Variants in AGBL4 observed in about 807,000 individuals in gnomAD.
The protein encoded by AGBL4 is cytosolic carboxypeptidase 6.
A neutral mutation model predicts 66.4 loss-of-function variants in AGBL4; 58 were observed. That is an observed-to-expected ratio of 0.87 (90% CI 0.71 to 1.09). AGBL4 has a LOEUF of 1.09. AGBL4 is among the 50% of genes least tolerant of loss of function. The pLI is 0.00. For synonymous variants in AGBL4, 234 were observed against 222.9 expected, an observed-to-expected ratio of 1.05 and a Z score of -0.44; for missense variants, 579 against 631.0, an observed-to-expected ratio of 0.92 and a Z score of 0.88.
chr1:49,678,000 G>A (rs1022604300), intron 3 of AGBL4, among the ~76,000 whole-genome samples: 1 of 152,146 alleles, frequency 6.6e-6, no homozygotes, highest in Non-Finnish European at 1.5e-5. Flanking sequence ...ACCTAAAGCT[G>A]ACTTGGATAA....
At chr1:48,928,484 G>A (rs528360721) in intron 5 of AGBL4, among the ~76,000 whole-genome samples, 11 of 152,220 alleles carry the variant, frequency 7.2e-5, no homozygotes, top group Admixed American at 1.3e-4. Flanking sequence ...ATTTCATAAC[G>A]ATTTAGTTAA....
intron 3 of AGBL4, among the ~76,000 whole-genome samples, chr1:49,418,541 A>G (rs1292342026): frequency 6.6e-6 from 1 of 152,240 alleles, no homozygotes; most frequent in Admixed American, 6.5e-5. Flanking sequence ...AACAACAACA[A>G]CAAAAAACCA....
intron 1 of AGBL4, among the ~76,000 whole-genome samples, chr1:49,950,047 T>C (rs1453291540): frequency 7.0e-6 from 1 of 142,944 alleles, no homozygotes; most frequent in African/African-American, 2.5e-5. Flanking sequence ...TATATACACA[T>C]ATGTGTATAT....
chr1:48,629,222 T>G (rs1645554509), intron 9 of AGBL4, among the ~76,000 whole-genome samples: 1 of 152,156 alleles, frequency 6.6e-6, no homozygotes, highest in African/African-American at 2.4e-5. Flanking sequence ...TAACTGGATA[T>G]AGCTGTGAGA....
intron 6 of AGBL4, among the ~76,000 whole-genome samples, chr1:48,752,361 TG>T (rs1282627314): frequency 1.3e-5 from 2 of 152,042 alleles, no homozygotes; most frequent in African/African-American, 2.4e-5. Flanking sequence ...GGAGGTCAAA[TG>T]GGGTGGTTGA....
At chr1:48,826,811 A>T (rs1646435951) in intron 6 of AGBL4, among the ~76,000 whole-genome samples, 1 of 152,206 alleles carries the variant, frequency 6.6e-6, no homozygotes, top group African/African-American at 2.4e-5. Context: ...TTTCTGGTTA[A>T]CAGGAAACCT....
intron 2 of AGBL4, among the ~76,000 whole-genome samples, chr1:49,736,111 A>T (rs1649871772): frequency 6.6e-6 from 1 of 152,298 alleles, no homozygotes; most frequent in Middle Eastern, 3.4e-3. Context: ...GAAAAAAGGG[A>T]AAAGAATATT....
intron 2 of AGBL4, among the ~76,000 whole-genome samples, chr1:49,732,412 A>G (rs1029293527): frequency 6.6e-6 from 1 of 152,248 alleles, no homozygotes; most frequent in Non-Finnish European, 1.5e-5. Flanking sequence ...AAGCAAAGAA[A>G]CAAAAATGTA....
chr1:49,593,085 T>C (rs184667669), intron 3 of AGBL4, among the ~76,000 whole-genome samples: 6 of 152,254 alleles, frequency 3.9e-5, no homozygotes, highest in Admixed American at 2.6e-4. Flanking sequence ...TGTACAAGAA[T>C]ATTCATCATC....
At chr1:49,470,251 T>C (rs1336863511) in intron 3 of AGBL4, among the ~76,000 whole-genome samples, 1 of 151,992 alleles carries the variant, frequency 6.6e-6, no homozygotes, top group Non-Finnish European at 1.5e-5. Flanking sequence ...ATCAAATGTA[T>C]ACTATAGATT....
chr1:48,608,238 G>T (rs1308206132), intron 9 of AGBL4, among the ~76,000 whole-genome samples: 2 of 152,158 alleles, frequency 1.3e-5, no homozygotes, highest in African/African-American at 4.8e-5. Flanking sequence ...TTGGCTTATG[G>T]AGTGTGGCAG....
chr1:49,937,992 A>G (rs141608435), intron 1 of AGBL4, among the ~76,000 whole-genome samples: 13,344 of 150,538 alleles, frequency 0.089, 804 homozygotes, highest in African/African-American at 0.16. Flanking sequence ...AAATAACTAA[A>G]ATCAGAGCAG....
chr1:48,738,654 G>A (rs1649441652), intron 6 of AGBL4, among the ~76,000 whole-genome samples: 1 of 152,208 alleles, frequency 6.6e-6, no homozygotes. Flanking sequence ...AAATCATAGA[G>A]ATGGATGCCA....
chr1:49,922,966 T>G (rs1430568918), intron 1 of AGBL4, among the ~76,000 whole-genome samples: 1 of 152,064 alleles, frequency 6.6e-6, no homozygotes, highest in Non-Finnish European at 1.5e-5. Context: ...GAAAAAAAAC[T>G]TTTTAAAATT....
chr1:49,391,623 G>A (rs1357457081), intron 3 of AGBL4, among the ~76,000 whole-genome samples: 1 of 149,286 alleles, frequency 6.7e-6, no homozygotes, highest in Non-Finnish European at 1.5e-5. Flanking sequence ...GTACAGTGGC[G>A]CGATCTCTGC....
intron 3 of AGBL4, among the ~76,000 whole-genome samples, chr1:49,656,401 A>C (rs1160045834): frequency 1.3e-5 from 2 of 152,184 alleles, no homozygotes; most frequent in Admixed American, 1.3e-4. Context: ...GACCAGACAG[A>C]TTCACAGCCG....
rs556913797 is a variant in AGBL4, at chr1:49,395,601, T to C, written c.283-149737A>G. Among the ~76,000 whole-genome samples the C allele has an allele frequency of 2.7e-3, 398 of 149,988 alleles. 2 individuals carry two copies. Among genetic ancestry groups the C allele is most frequent in the Admixed American group, 5.0e-3 (74 of 14,924 alleles). On this transcript the variant is annotated intron_variant, in intron 3 of 13. Coordinates refer to ENST00000371839, the MANE Select transcript of AGBL4 (RefSeq NM_032785.4). ...ATACATGTGTGTGTGTCTGTGTGTGTAGTGAACTGCACATGTGAGGGATCT... is the reference window on the plus strand; with the variant it reads ...ATACATGTGTGTGTGTCTGTGTGTGCAGTGAACTGCACATGTGAGGGATCT...
intron 3 of AGBL4, among the ~76,000 whole-genome samples, chr1:49,398,931 A>G (rs548094764): frequency 6.6e-6 from 1 of 152,230 alleles, no homozygotes; most frequent in Admixed American, 6.5e-5. Flanking sequence ...AGCATATACT[A>G]GGTCTTATTC....
chr1:49,900,430 A>C (rs1046562386), intron 1 of AGBL4, among the ~76,000 whole-genome samples: 3 of 151,892 alleles, frequency 2.0e-5, no homozygotes, highest in African/African-American at 7.3e-5. Flanking sequence ...TTTTTAGTAG[A>C]GACAGGGTTT....
Sources: gnomAD v4.1 joint callset for allele counts (sites outside exome capture counted in the v4.1 genomes callset) on GRCh38, gnomAD v4.1.1 for gene constraint, MANE v1.5 for transcripts, NCBI Gene and HGNC (gene_info 2026-07-23, HGNC 2026-07-21) for gene names.